Variants in FOCAD observed in about 807,000 individuals in gnomAD.
FOCAD encodes the protein focadhesin.
FOCAD carries 198 observed loss-of-function variants against 225.6 expected under a neutral mutation model. That is an observed-to-expected ratio of 0.88 (90% CI 0.78 to 0.99). The LOEUF (loss-of-function observed/expected upper bound fraction) is 0.99. Among genes scored for constraint, FOCAD ranks in the 50% least tolerant of loss-of-function variants. FOCAD has a pLI of 0.00. For synonymous variants in FOCAD, 897 were observed against 755.0 expected, an observed-to-expected ratio of 1.19 and a Z score of -3.08; for missense variants, 2,713 against 2,123.6, an observed-to-expected ratio of 1.28 and a Z score of -5.46.
chr9:20,778,020 G>A (rs1178556751), intron 8 of FOCAD, among the ~76,000 whole-genome samples: 2 of 149,250 alleles, frequency 1.3e-5, no homozygotes, highest in Admixed American at 1.3e-4. Flanking sequence ...AACCCGGAAG[G>A]CGGAGCTTGC....
chr9:20,780,704 T>G (rs1819276435), intron 9 of FOCAD, among the ~76,000 whole-genome samples: 1 of 152,112 alleles, frequency 6.6e-6, no homozygotes, highest in Non-Finnish European at 1.5e-5. Context: ...TAGCAATTTA[T>G]AAAAATGCCT....
intron 21 of FOCAD, among the ~76,000 whole-genome samples, chr9:20,898,006 G>C (rs1832243583): frequency 6.6e-6 from 1 of 151,548 alleles, no homozygotes; most frequent in Admixed American, 6.6e-5. Context: ...CATTTTGTGG[G>C]GTACAGAATT....
At chr9:20,984,076 A>G (rs1466288445) in intron 39 of FOCAD, among the ~76,000 whole-genome samples, 1 of 152,188 alleles carries the variant, frequency 6.6e-6, no homozygotes, top group Admixed American at 6.5e-5. Context: ...GATGTCCCCA[A>G]AAGAGTTAGT....
chr9:20,935,527 A>G (rs924204841), intron 28 of FOCAD, among the ~76,000 whole-genome samples: 1 of 152,048 alleles, frequency 6.6e-6, no homozygotes, highest in Non-Finnish European at 1.5e-5. Context: ...CAGCCTCCCA[A>G]ATTGCTGGCA....
At chr9:20,843,453 A>G (rs1484626234) in intron 15 of FOCAD, among the ~76,000 whole-genome samples, 1 of 151,992 alleles carries the variant, frequency 6.6e-6, no homozygotes, top group Non-Finnish European at 1.5e-5. Context: ...TAATGTTTCC[A>G]CAGAGAGTCT....
intron 28 of FOCAD, among the ~76,000 whole-genome samples, chr9:20,944,099 A>G (rs1836935639): frequency 6.6e-6 from 1 of 152,256 alleles, no homozygotes; most frequent in Non-Finnish European, 1.5e-5. Flanking sequence ...TAGGAAAGAA[A>G]TTCCACTTGT....
chr9:20,912,769 G>C (rs1246461322), intron 22 of FOCAD, 97 bp from the exon 23 acceptor site: 3 of 948,218 alleles, frequency 3.2e-6, no homozygotes, highest in African/African-American at 1.6e-5. Context: ...AACACTTAAG[G>C]CCAAATGGAA....
chr9:20,949,517 G>C, intron 32 of FOCAD, 87 bp from the exon 33 acceptor site: 2 of 858,238 alleles, frequency 2.3e-6, no homozygotes, highest in South Asian at 2.8e-5. Flanking sequence ...TTATAACTTA[G>C]AAGATGGATA....
At chr9:20,879,041 A>G (rs1428566130) in intron 19 of FOCAD, among the ~76,000 whole-genome samples, 1 of 152,078 alleles carries the variant, frequency 6.6e-6, no homozygotes, top group Non-Finnish European at 1.5e-5. Context: ...TCCCCTGTAC[A>G]CTACTCAGAC....
In FOCAD at chr9:20,951,043, G is replaced by C. The variant is rs774887296; in HGVS notation, c.3996G>C (p.Trp1332Cys). ...TTGGTCTCCAGTCAAATGCAGTCTG[G>C]CTTCTTGGACATCTTCATCTATCTA... ...GVIGLQSNAVWLLGHLHLSTL... is the reference protein window; with the variant it reads ...GVIGLQSNAVCLLGHLHLSTL... The change falls in exon 34 of 44, where the codon TGG becomes TGC. Residue 1332 changes from tryptophan (W) to cysteine (C), a missense_variant. Trp to Cys is a radical substitution (Grantham distance 215, BLOSUM62 -2). Coordinates refer to ENST00000338382, the MANE Select transcript of FOCAD (RefSeq NM_001375567.1). 1.9e-6 allele frequency: 3 copies of C among 1,613,468 alleles called. No individual in the cohort carries two copies. Among genetic ancestry groups the C allele is most frequent in the African/African-American group, 2.7e-5 (2 of 74,854 alleles).
intron 10 of FOCAD, among the ~76,000 whole-genome samples, chr9:20,782,203 A>G (rs1483878600): frequency 1.3e-5 from 2 of 152,218 alleles, no homozygotes; most frequent in African/African-American, 4.8e-5. Flanking sequence ...TTCTTCAGAA[A>G]AGGAACTAAT....
Position 20,822,980 on chromosome 9 carries a change from T to G in FOCAD, c.1794-9T>G. ...ATTAATTTTGCTTTTAAACTTTCATTTCTTGTAGGCCATATCAACATGGTG... is the reference window on the plus strand; with the variant it reads ...ATTAATTTTGCTTTTAAACTTTCATGTCTTGTAGGCCATATCAACATGGTG... On this transcript the variant is annotated splice_polypyrimidine_tract_variant and intron_variant, in intron 14 of 43. Coordinates refer to ENST00000338382, the MANE Select transcript of FOCAD (RefSeq NM_001375567.1). 2 of 1,566,732 alleles carry G rather than the reference T, an allele frequency of 1.3e-6. No homozygotes were observed. The highest frequency in any genetic ancestry group is 1.7e-6 in the Non-Finnish European group (2 of 1,162,094).
At chr9:20,737,987 A>C (rs1827287507) in intron 4 of FOCAD, among the ~76,000 whole-genome samples, 1 of 152,218 alleles carries the variant, frequency 6.6e-6, no homozygotes, top group Non-Finnish European at 1.5e-5. Flanking sequence ...TGTTGTGAAG[A>C]GTTGTGAAGA....
Position 20,929,370 on chromosome 9 carries a change from G to A in FOCAD, c.3091G>A (p.Gly1031Ser), listed in dbSNP as rs149475401. ...LSWFYYKSYS[G>S]ENTASAIARS... ...TGGCATGTCCTAGAAGTCCTATTCT[G>A]GTGAAAACACAGCTAGTGCCATTGC... is the stretch of plus-strand genomic sequence containing the variant. The change falls in exon 27 of 44, where the codon GGT (glycine) becomes AGT (serine). Residue 1031 changes from glycine to serine, a missense_variant. Physicochemically the swap from Gly to Ser is moderately conservative, Grantham distance 56. Coordinates refer to ENST00000338382, the MANE Select transcript of FOCAD (RefSeq NM_001375567.1). The A allele has an allele frequency of 5.6e-6, 9 of 1,613,824 alleles. No individual in the cohort carries two copies. In the African/African-American group the frequency reaches 1.1e-4, roughly 19 times the overall value.
At chr9:20,723,228 C>A (rs1377241976) in intron 4 of FOCAD, among the ~76,000 whole-genome samples, 2 of 152,194 alleles carry the variant, frequency 1.3e-5, no homozygotes, top group African/African-American at 4.8e-5. Context: ...TGACTCATGC[C>A]CGTAATCCCA....
At chr9:20,786,495 G>A (rs944293613) in intron 10 of FOCAD, among the ~76,000 whole-genome samples, 2 of 152,072 alleles carry the variant, frequency 1.3e-5, no homozygotes, top group African/African-American at 4.8e-5. Flanking sequence ...CCAGTCTTCT[G>A]CTGCTTGACT....
At chr9:20,834,066 G>A (rs191319051) in intron 15 of FOCAD, among the ~76,000 whole-genome samples, 1 of 151,942 alleles carries the variant, frequency 6.6e-6, no homozygotes, top group Non-Finnish European at 1.5e-5. Flanking sequence ...GTTAAGGATA[G>A]CATATTTGAA....
At chr9:20,770,556 C>A (rs1395315758) in intron 8 of FOCAD, among the ~76,000 whole-genome samples, 3 of 152,210 alleles carry the variant, frequency 2.0e-5, no homozygotes, top group African/African-American at 7.2e-5. Flanking sequence ...CTAAACCATT[C>A]ATGAGGAACA....
intron 15 of FOCAD, among the ~76,000 whole-genome samples, chr9:20,838,883 T>G (rs1253853090): frequency 1.3e-5 from 2 of 152,182 alleles, no homozygotes; most frequent in African/African-American, 2.4e-5. Context: ...AGAGTATTTC[T>G]TATTTATCTT....
Sources: allele counts gnomAD v4.1 joint callset (sites outside exome capture counted in the v4.1 genomes callset), GRCh38; gene constraint gnomAD v4.1.1; transcripts MANE v1.5; gene names NCBI Gene and HGNC (gene_info 2026-07-23, HGNC 2026-07-21).